N4BP2L2: variants seen among roughly 807,000 people sequenced by gnomAD.
N4BP2L2 encodes the protein NEDD4-binding protein 2-like 2.
A neutral mutation model predicts 56.2 loss-of-function variants in N4BP2L2; 50 were observed. The ratio of observed to expected loss-of-function variants is 0.89; its 90% confidence interval spans 0.71 to 1.13. N4BP2L2 has a LOEUF of 1.13. Ranked by LOEUF, N4BP2L2 falls within the 50% of genes most tolerant of loss-of-function variation. N4BP2L2 has a pLI of 0.00. For synonymous variants in N4BP2L2, 203 were observed against 223.6 expected (o/e 0.91, Z 0.82); for missense variants, 689 against 693.8 (o/e 0.99, Z 0.08).
intron 6 of N4BP2L2, among the ~76,000 whole-genome samples, chr13:32,486,731 G>A (rs931030821): frequency 6.6e-6 from 1 of 151,758 alleles, no homozygotes; most frequent in Non-Finnish European, 1.5e-5. Flanking sequence ...TAAGTGTGGT[G>A]GCTCCCACCT....
chr13:32,458,601 T>G (rs1241121905), intron 6 of N4BP2L2, among the ~76,000 whole-genome samples: 2 of 152,170 alleles, frequency 1.3e-5, no homozygotes, highest in African/African-American at 4.8e-5. Flanking sequence ...ATACTAAATA[T>G]GTATGCACCC....
chr13:32,503,788 G>A (rs2090448441), intron 6 of N4BP2L2, among the ~76,000 whole-genome samples: 3 of 152,216 alleles, frequency 2.0e-5, no homozygotes, highest in African/African-American at 7.2e-5. Context: ...GCTCATACCT[G>A]TAATTCCAGC....
intron 6 of N4BP2L2, among the ~76,000 whole-genome samples, chr13:32,484,577 G>A (rs1726518991): frequency 1.3e-5 from 2 of 151,746 alleles, no homozygotes; most frequent in Non-Finnish European, 2.9e-5. Flanking sequence ...TCCGCCTCCC[G>A]GGTTCAAAGG....
chr13:32,478,375 C>T (rs937324145), intron 6 of N4BP2L2: 1 of 211,872 alleles, frequency 4.7e-6, no homozygotes. Context: ...CTGTGTGCCA[C>T]ACTGTTATTC....
At chr13:32,472,274 T>TA (rs1231052887) in intron 6 of N4BP2L2, among the ~76,000 whole-genome samples, 2 of 152,070 alleles carry the variant, frequency 1.3e-5, no homozygotes, top group East Asian at 3.8e-4. Flanking sequence ...AAATATAGTC[T>TA]AAAAAAATAG....
chr13:32,508,493 ACAAATGGAGGTGGAACT>A (rs2091300754), downstream of N4BP2L2: 1 of 152,146 alleles, frequency 6.6e-6, no homozygotes, highest in South Asian at 2.1e-4. Flanking sequence ...GAGGATGGAC[ACAAATGGAGGTGGAACT>A]CAGACTGCCT....
chr13:32,536,303 T>C (rs1053159313), exon 2 of N4BP2L2: 1 of 1,613,672 alleles, frequency 6.2e-7, no homozygotes, highest in Non-Finnish European at 8.5e-7. Flanking sequence ...TTTGTCTGGC[T>C]CATTCCCCAA....
chr13:32,494,586 AC>A (rs1404155727), intron 6 of N4BP2L2, among the ~76,000 whole-genome samples: 1 of 151,624 alleles, frequency 6.6e-6, no homozygotes, highest in Non-Finnish European at 1.5e-5. Flanking sequence ...ACACGGTGAA[AC>A]CCCGTCTCTA....
chr13:32,475,034 C>T (rs1018740042), intron 6 of N4BP2L2, among the ~76,000 whole-genome samples: 7 of 152,204 alleles, frequency 4.6e-5, no homozygotes, highest in Non-Finnish European at 1.0e-4. Context: ...TTTTTCATCA[C>T]TGGACACTAA....
At chr13:32,475,854 G>A (rs1425875646) in intron 6 of N4BP2L2, among the ~76,000 whole-genome samples, 1 of 152,030 alleles carries the variant, frequency 6.6e-6, no homozygotes, top group African/African-American at 2.4e-5. Flanking sequence ...ATAAGTTGAA[G>A]ACAGATAAGA....
At chr13:32,509,840 C>T (rs1012793472), downstream of N4BP2L2, among the ~76,000 whole-genome samples, 2 of 152,090 alleles carry the variant, frequency 1.3e-5, no homozygotes, top group African/African-American at 4.8e-5. Flanking sequence ...AAAACTCCAA[C>T]TCTAACATTT....
chr13:32,485,997 G>A (rs1227640996), intron 6 of N4BP2L2, among the ~76,000 whole-genome samples: 1 of 152,204 alleles, frequency 6.6e-6, no homozygotes, highest in East Asian at 1.9e-4. Context: ...TTGAGCCTGG[G>A]AGGCAGAGGT....
intron 6 of N4BP2L2, among the ~76,000 whole-genome samples, chr13:32,461,888 C>T (rs545924966): frequency 6.6e-6 from 1 of 152,144 alleles, no homozygotes; most frequent in African/African-American, 2.4e-5. Context: ...ATGTGTGAGC[C>T]ACTACACCTG....
chr13:32,526,494 G>T (rs990118153), intron 3 of N4BP2L2, among the ~76,000 whole-genome samples: 1 of 151,744 alleles, frequency 6.6e-6, no homozygotes. Context: ...AAGAGAAAGG[G>T]GTACAAACAA....
chr13:32,538,647 C>A, exon 1 of N4BP2L2: 3 of 985,508 alleles, frequency 3.0e-6, no homozygotes, highest in Non-Finnish European at 3.6e-6. Flanking sequence ...TTGACCTTTA[C>A]CTCCCAATAA....
chr13:32,511,399 GA>G (rs1301630008), exon 6 of N4BP2L2: 1 of 152,126 alleles, frequency 6.6e-6, no homozygotes, highest in Non-Finnish European at 1.5e-5. Context: ...ATGTAACAGT[GA>G]ATTTCAACCT....
chr13:32,501,597 G>A (rs987949525), intron 6 of N4BP2L2, among the ~76,000 whole-genome samples: 24 of 152,032 alleles, frequency 1.6e-4, no homozygotes, highest in Non-Finnish European at 3.2e-4. Flanking sequence ...GGCGGATCAT[G>A]AGGTCAGGAG....
chr13:32,503,888 T>C (rs963892633), intron 6 of N4BP2L2, among the ~76,000 whole-genome samples: 1 of 151,896 alleles, frequency 6.6e-6, no homozygotes, highest in Non-Finnish European at 1.5e-5. Context: ...TCTAAAAAAA[T>C]TTTAAAATTA....
chr13:32,536,818 C>T (rs2056670020), exon 2 of N4BP2L2: 1 of 1,613,978 alleles, frequency 6.2e-7, no homozygotes, highest in East Asian at 2.2e-5. Flanking sequence ...TGATTTTGTT[C>T]TCCTGCAAAT....
Sources: allele counts gnomAD v4.1 joint callset (sites outside exome capture counted in the v4.1 genomes callset), GRCh38; gene constraint gnomAD v4.1.1; transcripts MANE v1.5; gene names NCBI Gene and HGNC (gene_info 2026-07-23, HGNC 2026-07-21).